Variants in UTP25 observed in about 807,000 individuals in gnomAD.
UTP25 encodes the protein U3 small nucleolar RNA-associated protein 25 homolog.
In UTP25, 50 loss-of-function variants were observed where a neutral mutation model predicts 78.9. That is an observed-to-expected ratio of 0.63 (90% CI 0.50 to 0.80). The LOEUF (loss-of-function observed/expected upper bound fraction) is 0.80, where lower values mean the gene tolerates loss of function less well. Among genes scored for constraint, UTP25 ranks in the 30% least tolerant of loss-of-function variants. UTP25 has a pLI of 0.00. For missense variants in UTP25, 846 were observed against 911.3 expected (o/e 0.93, Z 0.92); for synonymous variants, 329 against 336.5 (o/e 0.98, Z 0.24).
intron 6 of UTP25, 171 bp from the exon 7 acceptor site, chr1:209,838,736 TCA>T: frequency 8.6e-6 from 6 of 696,510 alleles, no homozygotes; most frequent in Non-Finnish European, 1.5e-5. Context: ...TGAAAGGTGC[TCA>T]GTTTCTGGTG....
chr1:209,830,795 C>T lies in UTP25; in HGVS notation c.148-8C>T, dbSNP rs751027937. ...TTTTTGTTCTTAAAATTCTCCTTTT[C>T]CTTTTAGTCAGAGAGTTCAGATTCT... On this transcript the variant is annotated splice_region_variant and splice_polypyrimidine_tract_variant and intron_variant, in intron 2 of 11. Coordinates refer to ENST00000491415, the MANE Select transcript of UTP25 (RefSeq NM_014388.7). The T allele has an allele frequency of 9.9e-6, 16 of 1,610,432 alleles. No individual in the cohort carries two copies. Among genetic ancestry groups the T allele is most frequent in the Non-Finnish European group, 1.3e-5 (15 of 1,178,444 alleles).
chr1:209,844,440 G>A (rs114467813), intron 11 of UTP25: 16,205 of 152,100 alleles, frequency 0.11, 1,139 homozygotes, highest in South Asian at 0.18. Flanking sequence ...AGACCATCCC[G>A]GCTAACATGG....
At position 209,837,082 on chromosome 1, in the gene UTP25, C is replaced by G; in HGVS notation, c.933C>G (p.Cys311Trp). Residue 311 changes from cysteine (C) to tryptophan (W), a missense_variant, in exon 6 of 12, where the codon TGC (cysteine) becomes TGG (tryptophan). Coordinates refer to ENST00000491415, the MANE Select transcript of UTP25 (RefSeq NM_014388.7). ...KNGEEIRHVY[C>W]LHVINHILKA... is the part of the protein sequence containing the mutation. ...GGGAAGAGATCCGCCATGTGTATTG[C>G]CTGCATGTGATAAATCACATCCTCA... 6.2e-7 allele frequency: 1 copy of G among 1,614,164 alleles called. No homozygotes were observed. Among genetic ancestry groups the G allele is most frequent in the Non-Finnish European group, 8.5e-7 (1 of 1,180,014 alleles).
At chr1:209,828,458 G>A (rs1314206246) in intron 1 of UTP25, among the ~76,000 whole-genome samples, 1 of 150,024 alleles carries the variant, frequency 6.7e-6, no homozygotes, top group Non-Finnish European at 1.5e-5. Context: ...GGAGTGCAAT[G>A]GCGCGATCTT....
Position 209,851,540 on chromosome 1 carries a change from A to G in UTP25, c.*93A>G. On this transcript the variant is annotated 3_prime_UTR_variant, in exon 12 of 12. Coordinates refer to ENST00000491415, the MANE Select transcript of UTP25 (RefSeq NM_014388.7). ...AATTCTGATTACTTACAGAAGAAGGACTGATACAAAGAAAGTGCATGAGGC... is the reference window on the plus strand; with the variant it reads ...AATTCTGATTACTTACAGAAGAAGGGCTGATACAAAGAAAGTGCATGAGGC... 6.8e-7 allele frequency: 1 copy of G among 1,460,100 alleles called. No individual in the cohort carries two copies. The allele number at this position is 1,460,100 out of a possible 1,614,324, so 90.4% of individuals were successfully genotyped here.
At chr1:209,834,824 G>A (rs1352316012) in intron 4 of UTP25, among the ~76,000 whole-genome samples, 1 of 152,208 alleles carries the variant, frequency 6.6e-6, no homozygotes, top group Non-Finnish European at 1.5e-5. Context: ...ATATCCTAAA[G>A]TGCTCTGAAT....
chr1:209,833,006 A>G (rs550467232), intron 3 of UTP25, among the ~76,000 whole-genome samples, 179 bp from the exon 4 acceptor site: 1 of 151,852 alleles, frequency 6.6e-6, no homozygotes, highest in African/African-American at 2.4e-5. Context: ...ACCCACCATC[A>G]TGCATCATGT....
chr1:209,840,938 G>T lies in UTP25; in HGVS notation c.1368G>T (p.Arg456Ser), dbSNP rs2078163760. 3 of 1,614,066 alleles carry T rather than the reference G, an allele frequency of 1.9e-6. No homozygotes were observed. Among genetic ancestry groups the T allele is most frequent in the Non-Finnish European group, 2.5e-6 (3 of 1,179,992 alleles). Residue 456 changes from arginine to serine, a missense_variant, in exon 8 of 12, where the codon AGG becomes AGT. Coordinates refer to ENST00000491415, the MANE Select transcript of UTP25 (RefSeq NM_014388.7). ...DILIASPLGL[R>S]TIIGGEGEKK... ...TCATTGCTTCCCCCCTGGGCTTGAGGACCATCATTGGTGGAGAAGGAGAGA... is the reference window on the plus strand; with the variant it reads ...TCATTGCTTCCCCCCTGGGCTTGAGTACCATCATTGGTGGAGAAGGAGAGA...
intron 11 of UTP25, among the ~76,000 whole-genome samples, chr1:209,849,451 A>G (rs2078218374): frequency 6.6e-6 from 1 of 152,030 alleles, no homozygotes; most frequent in Admixed American, 6.5e-5. Context: ...AAGGGCAGAC[A>G]ACTTTTGCTT....
At chr1:209,847,922 C>T (rs1018805440) in intron 11 of UTP25, among the ~76,000 whole-genome samples, 1 of 152,236 alleles carries the variant, frequency 6.6e-6, no homozygotes, top group African/African-American at 2.4e-5. Context: ...TCCAGAATAA[C>T]TCTCTTGCTT....
rs375033870 is a variant in UTP25 at position 209,834,214 on chromosome 1, A to G, written c.562+856A>G. ...TTCTGTGGTTGTTTTGCTCATACAGATATATTAGCATCTAGAATTCTTATG... is the reference window on the plus strand; with the variant it reads ...TTCTGTGGTTGTTTTGCTCATACAGGTATATTAGCATCTAGAATTCTTATG... On this transcript the variant is annotated intron_variant, in intron 4 of 11. Transcript: ENST00000491415. Among the ~76,000 whole-genome samples the G allele has an allele frequency of 4.6e-5, 7 of 152,192 alleles. 1 individual carries two copies. In the East Asian group the frequency reaches 5.8e-4, roughly 13 times the overall value.
At position 209,835,144 on chromosome 1, in the gene UTP25, A is replaced by T. The variant is rs745438055; in HGVS notation, c.632A>T (p.Lys211Ile). The T allele has an allele frequency of 6.2e-7, 1 of 1,613,760 alleles. No homozygotes were observed. Among genetic ancestry groups the T allele is most frequent in the East Asian group, 2.2e-5 (1 of 44,864 alleles). Residue 211 changes from lysine to isoleucine, a missense_variant, in exon 5 of 12, where the codon AAA becomes ATA. Transcript: ENST00000491415. Reference protein sequence around the residue: ...KAIQAVATNPKTTHELKWPIL... With the variant: ...KAIQAVATNPITTHELKWPIL... ...ATTCAGGCTGTTGCCACAAATCCCA[A>T]AACTACCCACGAGCTTAAAGTAAGT...
In UTP25 at chr1:209,854,524, C is replaced by T. The variant is rs1195953482; in HGVS notation, c.*3077C>T. 6.6e-6 allele frequency: 1 copy of T among 152,200 alleles called. No homozygotes were observed. Among genetic ancestry groups the T allele is most frequent in the African/African-American group, 2.4e-5 (1 of 41,434 alleles). 9.4% of individuals were successfully genotyped at this position (152,200 alleles called of 1,614,324 possible). A position where few individuals can be genotyped will look rare whatever the true frequency, so the allele number is the denominator to read the frequency against. On this transcript the variant is annotated 3_prime_UTR_variant, in exon 12 of 12. Transcript: ENST00000491415. ...GTGTCCCTGCTGACTCCTCATACCC[C>T]AGAGGACCAAGGGGGGCTCATGAAG...
rs966433234 is a variant in UTP25, at chr1:209,852,134, C to G, written c.*687C>G. ...TGAAACTCCATGTTAAAATATCCATCTTCAACAGTAGTGTCTTCATAATAA... is the reference window on the plus strand; with the variant it reads ...TGAAACTCCATGTTAAAATATCCATGTTCAACAGTAGTGTCTTCATAATAA... On this transcript the variant is annotated 3_prime_UTR_variant, in exon 12 of 12. Coordinates refer to ENST00000491415, the MANE Select transcript of UTP25 (RefSeq NM_014388.7). 15 of 152,202 alleles carry G rather than the reference C, an allele frequency of 9.9e-5. No homozygotes were observed. The highest frequency in any genetic ancestry group is 3.1e-4 in the African/African-American group (13 of 41,452). The allele number at this position is 152,202 out of a possible 1,614,324, so 9.4% of individuals were successfully genotyped here.
intron 7 of UTP25, 56 bp downstream of exon 7, chr1:209,839,184 G>T: frequency 1.4e-6 from 2 of 1,463,952 alleles, no homozygotes; most frequent in Non-Finnish European, 1.9e-6. Flanking sequence ...CATAGCTGGA[G>T]ACCAGAAGCT....
At chr1:209,828,626 A>G (rs1415286237) in intron 1 of UTP25, among the ~76,000 whole-genome samples, 2 of 144,448 alleles carry the variant, frequency 1.4e-5, no homozygotes, top group Non-Finnish European at 3.0e-5. Context: ...CTGGTCTTGA[A>G]CTCCTGACCT....
intron 11 of UTP25, among the ~76,000 whole-genome samples, chr1:209,847,836 G>A (rs970111805): frequency 2.6e-5 from 4 of 152,172 alleles, no homozygotes; most frequent in East Asian, 3.8e-4. Flanking sequence ...AAACACCTTC[G>A]TTCACAGGAC....
chr1:209,837,454 C>T (rs1032501922), intron 6 of UTP25, among the ~76,000 whole-genome samples: 12 of 152,166 alleles, frequency 7.9e-5, no homozygotes, highest in African/African-American at 2.9e-4. Context: ...ATGACACTTT[C>T]CTTAAAGATA....
In UTP25 at chr1:209,852,336, C is replaced by G. The variant is rs1471151972; in HGVS notation, c.*889C>G. ...CCTTTAAATACTTTAGTATATATTT[C>G]CTGTAAACAATTAAGGGTATTGTTT... is the stretch of plus-strand genomic sequence containing the variant. On this transcript the variant is annotated 3_prime_UTR_variant, in exon 12 of 12. Transcript: ENST00000491415. 2.0e-5 allele frequency: 3 copies of G among 152,170 alleles called. No homozygotes were observed. The highest frequency in any genetic ancestry group is 7.2e-5 in the African/African-American group (3 of 41,430). 9.4% of individuals were successfully genotyped at this position (152,170 alleles called of 1,614,324 possible). A position where few individuals can be genotyped will look rare whatever the true frequency, so the allele number is the denominator to read the frequency against.
Sources: gnomAD v4.1 joint callset for allele counts (sites outside exome capture counted in the v4.1 genomes callset) on GRCh38, gnomAD v4.1.1 for gene constraint, MANE v1.5 for transcripts, NCBI Gene and HGNC (gene_info 2026-07-23, HGNC 2026-07-21) for gene names.